The following CCDC3 variants were observed in gnomAD, a reference collection of about 807,000 sequenced individuals.
CCDC3 encodes coiled-coil domain containing 3.
Under a neutral mutation model 21.4 loss-of-function variants are expected in CCDC3, and 24 were observed. The observed-to-expected ratio is 1.12, with a 90% CI of 0.81 to 1.58. CCDC3 has a LOEUF of 1.58. CCDC3 is among the 40% of genes most tolerant of loss of function. CCDC3 has a pLI of 0.00. For missense variants in CCDC3, 425 were observed against 360.9 expected, an observed-to-expected ratio of 1.18 and a Z score of -1.44; for synonymous variants, 186 against 166.0, an observed-to-expected ratio of 1.12 and a Z score of -0.93.
chr10:12,957,770 G>A (rs1835115271), intron 2 of CCDC3, among the ~76,000 whole-genome samples: 1 of 152,206 alleles, frequency 6.6e-6, no homozygotes, highest in Non-Finnish European at 1.5e-5. Context: ...TGCCCCAGAA[G>A]CCAAGCAGGT....
At chr10:13,063,103 C>CA (rs1836779783) in intron 4 of CCDC3, among the ~76,000 whole-genome samples, 1 of 34,486 alleles carries the variant, frequency 2.9e-5, no homozygotes, top group Admixed American at 3.6e-4. Context: ...TGGCTTACCC[C>CA]CACCCACCAA....
chr10:12,988,288 G>C (rs569044155), intron 2 of CCDC3, among the ~76,000 whole-genome samples: 1 of 152,064 alleles, frequency 6.6e-6, no homozygotes, highest in South Asian at 2.1e-4. Flanking sequence ...GGCTGGTTCT[G>C]TGTCCTTCAG....
At chr10:13,055,309 C>T (rs1230451237) in intron 4 of CCDC3, among the ~76,000 whole-genome samples, 1 of 151,772 alleles carries the variant, frequency 6.6e-6, no homozygotes, top group Non-Finnish European at 1.5e-5. Flanking sequence ...AGCCCAGATT[C>T]AAGGGTGTGG....
Position 12,952,025 on chromosome 10 carries a change from C to A in CCDC3, c.549+46313G>T, listed in dbSNP as rs552852561. Among the ~76,000 whole-genome samples the A allele has an allele frequency of 4.6e-5, 7 of 152,192 alleles. No homozygotes were observed. The South Asian group carries it at 1.5e-3, about 32-fold the overall frequency. On this transcript the variant is annotated intron_variant, in intron 2 of 2. Coordinates refer to ENST00000378825, the MANE Select transcript of CCDC3 (RefSeq NM_031455.4). ...ATCTTCACCATAGGCCACGAGTATA[C>A]CCTTTGGACAGATAAGGAAATAAAG...
chr10:12,937,821 G>C (rs1033889331), intron 2 of CCDC3, among the ~76,000 whole-genome samples: 1 of 152,180 alleles, frequency 6.6e-6, no homozygotes, highest in Admixed American at 6.5e-5. Context: ...CCCCTTACAA[G>C]AGTACTTCTC....
At chr10:13,093,739 T>A (rs1832602132) in intron 3 of CCDC3, among the ~76,000 whole-genome samples, 1 of 152,088 alleles carries the variant, frequency 6.6e-6, no homozygotes, top group African/African-American at 2.4e-5. Context: ...CCATGCACTT[T>A]TTCAGAGAAG....
At chr10:13,063,064 T>G (rs1484819008) in intron 4 of CCDC3, among the ~76,000 whole-genome samples, 1 of 15,714 alleles carries the variant, frequency 6.4e-5, no homozygotes, top group African/African-American at 3.3e-4. Flanking sequence ...ACCAATTTCA[T>G]CTCTGACCAA....
intron 2 of CCDC3, among the ~76,000 whole-genome samples, chr10:12,978,769 G>C (rs991216338): frequency 1.3e-5 from 2 of 152,124 alleles, no homozygotes; most frequent in African/African-American, 4.8e-5. Flanking sequence ...ATGGAAAGAG[G>C]ACCCTTTCCT....
intron 2 of CCDC3, among the ~76,000 whole-genome samples, chr10:12,929,296 C>T (rs978804508): frequency 6.0e-5 from 9 of 151,080 alleles, no homozygotes; most frequent in African/African-American, 1.7e-4. Flanking sequence ...CAGAATAGAC[C>T]CCACCTTCCT....
chr10:12,968,909 C>A (rs1374041640), intron 2 of CCDC3, among the ~76,000 whole-genome samples: 4 of 152,044 alleles, frequency 2.6e-5, no homozygotes, highest in Non-Finnish European at 5.9e-5. Context: ...AGAAAATCAT[C>A]TAATCATAAA....
intron 4 of CCDC3, among the ~76,000 whole-genome samples, chr10:13,063,687 T>C (rs1836789491): frequency 6.6e-6 from 1 of 152,098 alleles, no homozygotes; most frequent in Admixed American, 6.5e-5. Context: ...CTCTACAAAC[T>C]CATGGAAACT....
chr10:12,995,414 G>A (rs980458373), intron 2 of CCDC3, among the ~76,000 whole-genome samples: 1 of 152,124 alleles, frequency 6.6e-6, no homozygotes, highest in Non-Finnish European at 1.5e-5. Flanking sequence ...GCTAATTTTT[G>A]TATTTTTAGT....
At chr10:12,914,401 T>A (rs1211308139) in intron 2 of CCDC3, among the ~76,000 whole-genome samples, 1 of 152,154 alleles carries the variant, frequency 6.6e-6, no homozygotes, top group Admixed American at 6.6e-5. Context: ...TCATTTGTAT[T>A]TCTGCGGTAT....
At chr10:12,909,716 C>A (rs1188115132) in intron 2 of CCDC3, among the ~76,000 whole-genome samples, 1 of 152,188 alleles carries the variant, frequency 6.6e-6, no homozygotes, top group African/African-American at 2.4e-5. Context: ...GGTACCAGGT[C>A]TCCCAAGGAG....
chr10:13,081,023 G>A (rs534945977), intron 3 of CCDC3, among the ~76,000 whole-genome samples: 1 of 152,196 alleles, frequency 6.6e-6, no homozygotes. Flanking sequence ...GGGGCAGGAG[G>A]CATCACCATG....
chr10:13,091,158 T>A (rs1256087364), intron 3 of CCDC3, among the ~76,000 whole-genome samples: 1 of 152,146 alleles, frequency 6.6e-6, no homozygotes, highest in Non-Finnish European at 1.5e-5. Flanking sequence ...CCCACCCAGA[T>A]TGAGGGTGGG....
chr10:12,929,342 C>T (rs1197938907), intron 2 of CCDC3, among the ~76,000 whole-genome samples: 1 of 151,936 alleles, frequency 6.6e-6, no homozygotes, highest in African/African-American at 2.4e-5. Flanking sequence ...ATGTTAGAAC[C>T]TCTGCCTTGT....
intron 5 of CCDC3, among the ~76,000 whole-genome samples, chr10:13,035,043 A>AT (rs1440222913): frequency 1.3e-5 from 2 of 151,242 alleles, no homozygotes; most frequent in East Asian, 3.9e-4. Context: ...TAAAAAAAAA[A>AT]AATTAAAAAA....
chr10:13,084,127 T>G (rs1449436691), intron 3 of CCDC3, among the ~76,000 whole-genome samples: 6 of 152,188 alleles, frequency 3.9e-5, no homozygotes, highest in Admixed American at 1.3e-4. Flanking sequence ...TAATCCTTTA[T>G]CACAAACCCT....
Sources: allele counts gnomAD v4.1 joint callset (sites outside exome capture counted in the v4.1 genomes callset), GRCh38; gene constraint gnomAD v4.1.1; transcripts MANE v1.5; gene names NCBI Gene and HGNC (gene_info 2026-07-23, HGNC 2026-07-21).